Variants in PHYH observed in about 807,000 individuals in gnomAD.
The protein encoded by PHYH is phytanoyl-CoA dioxygenase, peroxisomal.
In PHYH, 32 loss-of-function variants were observed where a neutral mutation model predicts 38.5. The observed-to-expected ratio is 0.83, with a 90% CI of 0.63 to 1.12. PHYH has a LOEUF of 1.12. Ranked by LOEUF, PHYH falls within the 50% of genes most tolerant of loss-of-function variation. PHYH has a pLI of 0.00. For missense variants in PHYH, 426 were observed against 434.8 expected, an observed-to-expected ratio of 0.98 and a Z score of 0.18; for synonymous variants, 166 against 157.9, an observed-to-expected ratio of 1.05 and a Z score of -0.38.
intron 7 of PHYH, among the ~76,000 whole-genome samples, chr10:13,282,832 CAG>C (rs1371733635): frequency 6.6e-6 from 1 of 152,032 alleles, no homozygotes; most frequent in African/African-American, 2.4e-5. Flanking sequence ...AACTCGATTG[CAG>C]AGTCTTTTTT....
intron 8 of PHYH, among the ~76,000 whole-genome samples, chr10:13,278,564 C>G (rs1023860581): frequency 2.0e-5 from 3 of 152,146 alleles, no homozygotes; most frequent in Non-Finnish European, 4.4e-5. Flanking sequence ...TTTGGGGACA[C>G]AGTCTCACCC....
At chr10:13,299,392 AG>A (rs1295422367) in intron 1 of PHYH, 5 of 987,538 alleles carry the variant, frequency 5.1e-6, no homozygotes, top group Non-Finnish European at 6.1e-6. Flanking sequence ...ACAACAGGCA[AG>A]GCGTGTGCCG....
chr10:13,280,637 A>G (rs1271545240), intron 8 of PHYH, among the ~76,000 whole-genome samples: 9 of 152,082 alleles, frequency 5.9e-5, no homozygotes, highest in Admixed American at 2.6e-4. Context: ...ATGAGCCACC[A>G]TGCCCAGCCA....
At chr10:13,283,609 TA>T in intron 7 of PHYH, 80 bp downstream of exon 7, 1 of 1,397,560 alleles carries the variant, frequency 7.2e-7, no homozygotes, top group Non-Finnish European at 1.0e-6. Flanking sequence ...TTTATTCAAT[TA>T]ATTTGAATTC....
intron 4 of PHYH, among the ~76,000 whole-genome samples, chr10:13,293,906 A>G (rs1195904945): frequency 6.6e-6 from 1 of 152,104 alleles, no homozygotes; most frequent in African/African-American, 2.4e-5. Flanking sequence ...CCCATTCTTC[A>G]GAAATGTAGG....
rs28631745 is a variant in PHYH at position 13,298,780 on chromosome 10, C to A, written c.76-535G>T. 9.9e-4 allele frequency among the ~76,000 whole-genome samples: 139 copies of A among 140,952 alleles called. 1 individual carries two copies. Among genetic ancestry groups the A allele is most frequent in the East Asian group, 2.3e-3 (10 of 4,334 alleles). The allele number at this position is 140,952 out of a possible 152,430, so 92.5% of individuals were successfully genotyped here. A position where few individuals can be genotyped will look rare whatever the true frequency, so the allele number is the denominator to read the frequency against. On this transcript the variant is annotated intron_variant, in intron 1 of 8. Coordinates refer to ENST00000263038, the MANE Select transcript of PHYH (RefSeq NM_006214.4). ...ACTACTACTGCTACTACTACTACTA[C>A]TAATAATAATAATACAAATTACACT...
At chr10:13,279,125 A>C (rs1835357320) in intron 8 of PHYH, among the ~76,000 whole-genome samples, 1 of 152,134 alleles carries the variant, frequency 6.6e-6, no homozygotes, top group African/African-American at 2.4e-5. Flanking sequence ...CAGCCTCCCA[A>C]GTAGCTAGGA....
intron 8 of PHYH, among the ~76,000 whole-genome samples, chr10:13,279,482 G>A (rs1835364988): frequency 6.6e-6 from 1 of 152,132 alleles, no homozygotes; most frequent in African/African-American, 2.4e-5. Context: ...AAACAGCAAG[G>A]TATGGTGGAA....
intron 1 of PHYH, among the ~76,000 whole-genome samples, chr10:13,298,783 A>AC (rs1564430887): frequency 7.2e-4 from 80 of 111,620 alleles, no homozygotes; most frequent in African/African-American, 6.2e-4. Context: ...ACTACTACTA[A>AC]TAATAATAAT....
Position 13,300,022 on chromosome 10 carries a change from G to T in PHYH, c.21C>A (p.Ala7=). 1 of 1,532,378 alleles carries T rather than the reference G, an allele frequency of 6.5e-7. No homozygotes were observed. The allele number at this position is 1,532,378 out of a possible 1,614,324, so 94.9% of individuals were successfully genotyped here. ...GGCCCAGAACAATCTGCAGACGGGC[G>T]GCGGCGCGAAGCTGCTCCATGGCTG... MEQLRA[A]ARLQIVLGHL... Residue 7 remains alanine (A), a synonymous_variant, in exon 1 of 9, where the codon GCC becomes GCA. Transcript: ENST00000263038.
intron 5 of PHYH, among the ~76,000 whole-genome samples, chr10:13,289,064 G>A (rs1835635531): frequency 6.6e-6 from 1 of 151,882 alleles, no homozygotes; most frequent in African/African-American, 2.4e-5. Flanking sequence ...ACACCAAATT[G>A]GAAATCAACA....
intron 3 of PHYH, 84 bp downstream of exon 3, chr10:13,295,412 A>G: frequency 1.3e-6 from 1 of 794,724 alleles, no homozygotes; most frequent in Middle Eastern, 2.3e-4. Flanking sequence ...AAACATCTGT[A>G]AAGCCAGGAG....
At chr10:13,282,354 G>T (rs1165219009) in intron 7 of PHYH, among the ~76,000 whole-genome samples, 2 of 152,142 alleles carry the variant, frequency 1.3e-5, no homozygotes, top group African/African-American at 2.4e-5. Flanking sequence ...ATTTTGGGAG[G>T]CCAAGGTGAG....
At chr10:13,293,999 C>T (rs1205658488) in intron 4 of PHYH, among the ~76,000 whole-genome samples, 1 of 151,802 alleles carries the variant, frequency 6.6e-6, no homozygotes, top group African/African-American at 2.4e-5. Context: ...GTCAGAAGTT[C>T]GAGACCAGCC....
At chr10:13,278,614 T>C (rs1835345692) in intron 8 of PHYH, among the ~76,000 whole-genome samples, 1 of 151,744 alleles carries the variant, frequency 6.6e-6, no homozygotes, top group East Asian at 1.9e-4. Context: ...CTGCAACCTC[T>C]GCCTCCCGGG....
At chr10:13,297,511 T>C (rs970490287) in intron 2 of PHYH, among the ~76,000 whole-genome samples, 5 of 152,178 alleles carry the variant, frequency 3.3e-5, no homozygotes, top group Non-Finnish European at 7.3e-5. Flanking sequence ...TGGAGTTCAG[T>C]GGCGTGATCT....
At chr10:13,299,471 A>T in intron 1 of PHYH, 2 of 1,002,748 alleles carry the variant, frequency 2.0e-6, no homozygotes, top group Non-Finnish European at 2.4e-6. Context: ...GCAATGCCGT[A>T]GTCCAGCAGG....
chr10:13,298,770 A>ACTACTACTACTG (rs1832649966), intron 1 of PHYH, among the ~76,000 whole-genome samples: 3 of 120,586 alleles, frequency 2.5e-5, no homozygotes, highest in African/African-American at 8.9e-5. Context: ...TACTGCTACT[A>ACTACTACTACTG]CTACTACTAC....
At chr10:13,285,247 G>A (rs897761780) in intron 6 of PHYH, among the ~76,000 whole-genome samples, 2 of 151,780 alleles carry the variant, frequency 1.3e-5, no homozygotes, top group African/African-American at 4.8e-5. Context: ...GCAGTGGTGC[G>A]ATCTCAGCTC....
Sources: gnomAD v4.1 joint callset for allele counts (sites outside exome capture counted in the v4.1 genomes callset) on GRCh38, gnomAD v4.1.1 for gene constraint, MANE v1.5 for transcripts, NCBI Gene and HGNC (gene_info 2026-07-23, HGNC 2026-07-21) for gene names.